Variants in IGSF10 observed in about 807,000 individuals in gnomAD.
IGSF10 encodes immunoglobulin superfamily member 10, also known as calvaria mechanical force protein 608.
A neutral mutation model predicts 128.2 loss-of-function variants in IGSF10; 126 were observed. That is an observed-to-expected ratio of 0.98 (90% CI 0.85 to 1.14). The LOEUF is 1.14. IGSF10 is among the 50% of genes most tolerant of loss of function. IGSF10 has a pLI of 0.00. For synonymous variants in IGSF10, 1,185 were observed against 1,146.2 expected, an observed-to-expected ratio of 1.03 and a Z score of -0.68; for missense variants, 3,295 against 3,149.8, an observed-to-expected ratio of 1.05 and a Z score of -1.10.
the IGSF10 span, among the ~76,000 whole-genome samples, chr3:151,507,019 G>C: frequency 1.3e-5 from 2 of 152,164 alleles, no homozygotes; most frequent in African/African-American, 4.8e-5. Context: ...TGCTTGATTT[G>C]ACTGTGAGCT....
chr3:151,571,694 T>A, the IGSF10 span, among the ~76,000 whole-genome samples: 1 of 152,224 alleles, frequency 6.6e-6, no homozygotes, highest in South Asian at 2.1e-4. Context: ...CCTCTTTTCC[T>A]AATTGAATAT....
chr3:151,557,977 A>G, the IGSF10 span, among the ~76,000 whole-genome samples: 9 of 103,588 alleles, frequency 8.7e-5, no homozygotes, highest in Admixed American at 5.4e-4. Context: ...CAATTTTAAC[A>G]GATGCAAAGC....
the IGSF10 span, among the ~76,000 whole-genome samples, chr3:151,471,800 A>C: frequency 2.0e-5 from 3 of 152,256 alleles, no homozygotes; most frequent in Non-Finnish European, 4.4e-5. Context: ...GCTTTAGCAG[A>C]TGTTTATGCT....
At chr3:151,498,257 T>C in the IGSF10 span, among the ~76,000 whole-genome samples, 1 of 152,144 alleles carries the variant, frequency 6.6e-6, no homozygotes, top group Non-Finnish European at 1.5e-5. Flanking sequence ...GTGCCAGTTT[T>C]CTAATGCTTC....
At chr3:151,434,507 C>CT (rs1481024529), downstream of IGSF10, 1 of 93,484 alleles carries the variant, frequency 1.1e-5, no homozygotes, top group Non-Finnish European at 2.2e-5. Flanking sequence ...AATTAATAGT[C>CT]TATCTGCTTT....
chr3:151,481,721 G>A, the IGSF10 span, among the ~76,000 whole-genome samples: 2 of 152,100 alleles, frequency 1.3e-5, no homozygotes, highest in Non-Finnish European at 2.9e-5. Flanking sequence ...CCTATGTCCT[G>A]GATTGCAGTG....
At chr3:151,616,327 T>C in the IGSF10 span, among the ~76,000 whole-genome samples, 1 of 152,256 alleles carries the variant, frequency 6.6e-6, no homozygotes, top group South Asian at 2.1e-4. Flanking sequence ...ATCCAACATA[T>C]ATTTCAGTCT....
chr3:151,511,021 C>A, the IGSF10 span, among the ~76,000 whole-genome samples: 1 of 152,162 alleles, frequency 6.6e-6, no homozygotes, highest in Non-Finnish European at 1.5e-5. Context: ...GAGAATGGAA[C>A]CCAGTTGGAA....
At chr3:151,465,029 CTCTTA>C (rs914439015), upstream of IGSF10, among the ~76,000 whole-genome samples, 1 of 152,106 alleles carries the variant, frequency 6.6e-6, no homozygotes, top group Non-Finnish European at 1.5e-5. Context: ...ATGCATGGTC[CTCTTA>C]TAAGTCCATG....
At chr3:151,526,961 C>T in the IGSF10 span, among the ~76,000 whole-genome samples, 3 of 152,106 alleles carry the variant, frequency 2.0e-5, no homozygotes, top group African/African-American at 2.4e-5. Flanking sequence ...GTAGCTCCAG[C>T]GTATGTGGGT....
Position 151,447,107 on chromosome 3 carries a change from T to C in IGSF10, c.2874A>G (p.Val958=). The C allele has an allele frequency of 6.2e-7, 1 of 1,614,232 alleles. No homozygotes were observed. Among genetic ancestry groups the C allele is most frequent in the South Asian group, 1.1e-5 (1 of 91,086 alleles). The change falls in exon 6 of 8, where the codon GTA becomes GTG. Residue 958 remains valine, a synonymous_variant. Transcript: ENST00000282466. ...TGTGCCTGGGTTCACTCACTTCTCTTACAGATGTCTGATGACTATTTGTGG... is the reference window on the plus strand; with the variant it reads ...TGTGCCTGGGTTCACTCACTTCTCTCACAGATGTCTGATGACTATTTGTGG... ...VNTTNSHQTS[V]REVSEPRHNH...
the IGSF10 span, among the ~76,000 whole-genome samples, chr3:151,478,993 C>A: frequency 6.6e-6 from 1 of 152,210 alleles, no homozygotes. Context: ...CTAACACCTA[C>A]ACTCTCAGGT....
At chr3:151,491,569 A>T in the IGSF10 span, among the ~76,000 whole-genome samples, 92 of 151,736 alleles carry the variant, frequency 6.1e-4, no homozygotes, top group Non-Finnish European at 1.0e-3. Context: ...CGGAGTGAGA[A>T]ATAGTTACAA....
the IGSF10 span, among the ~76,000 whole-genome samples, chr3:151,478,499 T>C: frequency 1.3e-5 from 2 of 152,220 alleles, no homozygotes; most frequent in African/African-American, 2.4e-5. Flanking sequence ...CAGTATTCCA[T>C]GAGAATCCTG....
the IGSF10 span, among the ~76,000 whole-genome samples, chr3:151,589,242 G>C: frequency 1.3e-5 from 2 of 152,158 alleles, no homozygotes; most frequent in Non-Finnish European, 1.5e-5. Context: ...TCATTTAAAA[G>C]TTGGAAGAGA....
At chr3:151,519,948 T>C in the IGSF10 span, among the ~76,000 whole-genome samples, 8 of 151,856 alleles carry the variant, frequency 5.3e-5, no homozygotes, top group Admixed American at 1.3e-4. Flanking sequence ...TTGCTTCATA[T>C]TGAAATAATA....
the IGSF10 span, among the ~76,000 whole-genome samples, chr3:151,578,718 CA>C: frequency 6.6e-6 from 1 of 152,118 alleles, no homozygotes; most frequent in African/African-American, 2.4e-5. Flanking sequence ...GGCAGGACAA[CA>C]AATACTGTCT....
the IGSF10 span, among the ~76,000 whole-genome samples, chr3:151,549,619 C>T: frequency 6.6e-6 from 1 of 152,208 alleles, no homozygotes; most frequent in African/African-American, 2.4e-5. Flanking sequence ...ATTCATATTA[C>T]AGCTTCCAAA....
intron 7 of IGSF10, among the ~76,000 whole-genome samples, chr3:151,442,143 G>A (rs960093558): frequency 6.6e-5 from 10 of 152,050 alleles, no homozygotes; most frequent in Non-Finnish European, 1.0e-4. Context: ...ATCAGAATGC[G>A]GGGGCCCTGA....
Sources: allele counts gnomAD v4.1 joint callset (sites outside exome capture counted in the v4.1 genomes callset), GRCh38; gene constraint gnomAD v4.1.1; transcripts MANE v1.5; gene names NCBI Gene and HGNC (gene_info 2026-07-23, HGNC 2026-07-21).